The following TAF4B variants were observed in gnomAD, a reference collection of about 807,000 sequenced individuals.
TAF4B encodes the protein transcription initiation factor TFIID subunit 4B.
In TAF4B, 38 loss-of-function variants were observed where a neutral mutation model predicts 86.4. The ratio of observed to expected loss-of-function variants is 0.44; its 90% CI spans 0.34 to 0.58. The LOEUF (loss-of-function observed/expected upper bound fraction) is 0.58. Ranked by LOEUF, TAF4B falls within the 20% of genes least tolerant of loss-of-function variation. The pLI, the probability that TAF4B is intolerant of heterozygous loss-of-function variation, is 0.02. For synonymous variants in TAF4B, 388 were observed against 391.2 expected (o/e 0.99, Z 0.10); for missense variants, 988 against 1,027.6 (o/e 0.96, Z 0.53).
chr18:26,367,463 T>C (rs1158118926), intron 14 of TAF4B, among the ~76,000 whole-genome samples: 1 of 152,214 alleles, frequency 6.6e-6, no homozygotes, highest in Non-Finnish European at 1.5e-5. Context: ...GTACGAGCTC[T>C]AGAAGAGAGA....
chr18:26,374,225 T>A (rs2057427093), intron 14 of TAF4B, among the ~76,000 whole-genome samples: 1 of 152,214 alleles, frequency 6.6e-6, no homozygotes. Context: ...CATATCACTT[T>A]AATTATAGTT....
intron 13 of TAF4B, among the ~76,000 whole-genome samples, chr18:26,352,960 A>G (rs2144727513): frequency 6.6e-6 from 1 of 152,296 alleles, no homozygotes. Flanking sequence ...TAAGAGAGAT[A>G]CCAGAACAGA....
intron 9 of TAF4B, among the ~76,000 whole-genome samples, chr18:26,307,270 C>T (rs2056804789): frequency 6.6e-6 from 1 of 151,820 alleles, no homozygotes; most frequent in African/African-American, 2.4e-5. Flanking sequence ...TTACACTTTT[C>T]GGGGGGATTC....
chr18:26,253,619 T>G (rs1011673323), intron 1 of TAF4B, among the ~76,000 whole-genome samples: 2 of 152,176 alleles, frequency 1.3e-5, no homozygotes, highest in Non-Finnish European at 2.9e-5. Flanking sequence ...TGCTTTTTTA[T>G]TTTTTGGAAT....
intron 1 of TAF4B, among the ~76,000 whole-genome samples, chr18:26,260,379 T>C (rs1200911824): frequency 6.6e-6 from 1 of 152,230 alleles, no homozygotes; most frequent in Non-Finnish European, 1.5e-5. Flanking sequence ...TGAATGGTAT[T>C]GCCTAGGTTT....
chr18:26,329,267 A>C (rs917542907), intron 12 of TAF4B, among the ~76,000 whole-genome samples: 4 of 151,942 alleles, frequency 2.6e-5, no homozygotes, highest in African/African-American at 9.7e-5. Context: ...ACAGTGTTCA[A>C]GCTAGTCTCA....
intron 3 of TAF4B, among the ~76,000 whole-genome samples, chr18:26,272,411 G>GCTATATACTAC (rs2056331920): frequency 6.6e-6 from 1 of 152,104 alleles, no homozygotes; most frequent in East Asian, 1.9e-4. Context: ...CGGCACAGGG[G>GCTATATACTAC]TTGGGGACCC....
intron 14 of TAF4B, among the ~76,000 whole-genome samples, chr18:26,370,757 T>C (rs73946386): frequency 0.079 from 12,079 of 152,172 alleles, 1,500 homozygotes; most frequent in African/African-American, 0.27. Flanking sequence ...GTTATTGATA[T>C]GGACTCACCA....
At chr18:26,242,275 TG>T (rs2055851307) in intron 1 of TAF4B, among the ~76,000 whole-genome samples, 3 of 152,230 alleles carry the variant, frequency 2.0e-5, no homozygotes, top group Admixed American at 1.3e-4. Flanking sequence ...GCTCCTGTAT[TG>T]GGTGCATATA....
intron 7 of TAF4B, among the ~76,000 whole-genome samples, chr18:26,290,798 G>A (rs990957895): frequency 2.0e-5 from 3 of 152,158 alleles, no homozygotes; most frequent in African/African-American, 4.8e-5. Flanking sequence ...TACCTAATAA[G>A]GAGCATCAAG....
intron 1 of TAF4B, among the ~76,000 whole-genome samples, chr18:26,232,898 G>T (rs1235738979): frequency 6.6e-6 from 1 of 152,214 alleles, no homozygotes; most frequent in African/African-American, 2.4e-5. Context: ...GGTTCCTGTA[G>T]TGGTGGCCAT....
At chr18:26,280,837 G>C (rs1327816318) in intron 5 of TAF4B, among the ~76,000 whole-genome samples, 1 of 152,100 alleles carries the variant, frequency 6.6e-6, no homozygotes, top group Non-Finnish European at 1.5e-5. Flanking sequence ...CTATAAAAAA[G>C]ACATATGCAC....
chr18:26,249,574 A>G (rs1368449385), intron 1 of TAF4B, among the ~76,000 whole-genome samples: 1 of 152,180 alleles, frequency 6.6e-6, no homozygotes, highest in Non-Finnish European at 1.5e-5. Context: ...TTCATTCCCA[A>G]AAGCTTTTTG....
At chr18:26,343,037 A>G (rs974889104) in intron 13 of TAF4B, among the ~76,000 whole-genome samples, 5 of 152,240 alleles carry the variant, frequency 3.3e-5, no homozygotes, top group African/African-American at 9.6e-5. Context: ...ACCTGAACAG[A>G]TGCATGGAGC....
At chr18:26,347,316 G>A (rs1274146941) in intron 13 of TAF4B, among the ~76,000 whole-genome samples, 1 of 152,014 alleles carries the variant, frequency 6.6e-6, no homozygotes, top group Non-Finnish European at 1.5e-5. Flanking sequence ...ATCACCATTA[G>A]ACAAGGCCTA....
At chr18:26,344,393 T>G (rs923137599) in intron 13 of TAF4B, among the ~76,000 whole-genome samples, 1 of 150,758 alleles carries the variant, frequency 6.6e-6, no homozygotes, top group Non-Finnish European at 1.5e-5. Context: ...AAAAAACCTG[T>G]GGAGATCAGA....
At chr18:26,233,396 T>C (rs2055702090) in intron 1 of TAF4B, among the ~76,000 whole-genome samples, 1 of 152,120 alleles carries the variant, frequency 6.6e-6, no homozygotes, top group Non-Finnish European at 1.5e-5. Context: ...GCAGGGAGTA[T>C]GTTTGCCATG....
At chr18:26,379,637 C>CT (rs1432250440) in intron 14 of TAF4B, among the ~76,000 whole-genome samples, 1 of 151,916 alleles carries the variant, frequency 6.6e-6, no homozygotes, top group African/African-American at 2.4e-5. Flanking sequence ...CAGCTTTGTC[C>CT]TTTTTTAAAA....
intron 14 of TAF4B, among the ~76,000 whole-genome samples, chr18:26,381,242 T>C (rs896643234): frequency 3.8e-4 from 58 of 151,932 alleles, no homozygotes; most frequent in Admixed American, 1.0e-3. Context: ...CTTGAACTCC[T>C]GGGCTCAAGG....
Sources: gnomAD v4.1 joint callset for allele counts (sites outside exome capture counted in the v4.1 genomes callset) on GRCh38, gnomAD v4.1.1 for gene constraint, MANE v1.5 for transcripts, NCBI Gene and HGNC (gene_info 2026-07-23, HGNC 2026-07-21) for gene names.